Variants in DLEC1 observed in about 807,000 individuals in gnomAD.
DLEC1 encodes DLEC1 cilia and flagella associated protein, also known as deleted in lung and esophageal cancer protein 1.
In DLEC1, 146 loss-of-function variants were observed where a neutral mutation model predicts 198.1. That is an observed-to-expected ratio of 0.74 (90% confidence interval 0.64 to 0.85). The LOEUF is 0.85. Ranked by LOEUF, DLEC1 falls within the 40% of genes least tolerant of loss-of-function variation. The pLI is 0.00. For missense variants in DLEC1, 2,233 were observed against 2,220.0 expected, an observed-to-expected ratio of 1.01 and a Z score of -0.12; for synonymous variants, 897 against 866.8, an observed-to-expected ratio of 1.03 and a Z score of -0.61.
chr3:38,115,030 G>A lies in DLEC1; in HGVS notation c.3833G>A (p.Arg1278His), dbSNP rs752782524. ...GGAGACACAGTTACCCGAACCCTTCGCCTGAATAACTCCAGCCCCTGTGGT... is the reference window on the plus strand; with the variant it reads ...GGAGACACAGTTACCCGAACCCTTCACCTGAATAACTCCAGCCCCTGTGGT... ...SGGDTVTRTLRLNNSSPCDIR... is the reference protein window; with the variant it reads ...SGGDTVTRTLHLNNSSPCDIR... Residue 1278 changes from arginine to histidine, a missense_variant, in exon 27 of 37, where the codon CGC (arginine) becomes CAC (histidine). Physicochemically the swap from Arg to His is conservative, Grantham distance 29. Transcript: ENST00000308059. 9.9e-6 allele frequency: 16 copies of A among 1,613,836 alleles called. No homozygotes were observed. Among genetic ancestry groups the A allele is most frequent in the African/African-American group, 9.3e-5 (7 of 74,916 alleles).
intron 2 of DLEC1, among the ~76,000 whole-genome samples, chr3:38,055,095 A>G (rs1278786569): frequency 6.6e-6 from 1 of 152,224 alleles, no homozygotes; most frequent in Non-Finnish European, 1.5e-5. Context: ...GAGATTTTGA[A>G]TTAGTAGATG....
In DLEC1 at chr3:38,084,422, GGTA is replaced by G. The variant is rs879004281; in HGVS notation, c.1261+189_1261+191del. Among the ~76,000 whole-genome samples the G allele has an allele frequency of 1.1e-3, 89 of 84,570 alleles. 10 individuals carry two copies. The highest frequency in any genetic ancestry group is 6.3e-3 in the East Asian group (13 of 2,076). The allele number at this position is 84,570 out of a possible 152,430, so 55.5% of individuals were successfully genotyped here. A position where few individuals can be genotyped will look rare whatever the true frequency, so the allele number is the denominator to read the frequency against. On this transcript the variant is annotated intron_variant, in intron 7 of 36. Coordinates refer to ENST00000308059, the MANE Select transcript of DLEC1 (RefSeq NM_007335.4). Reference sequence around the variant, plus strand: ...TAGTAGTGGTGGTGGTAGTAGTAGTGGTAGTAGTAGTAGTGGTGGTGGTGGTGG... The same window carrying G: ...TAGTAGTGGTGGTGGTAGTAGTAGTGGTAGTAGTAGTGGTGGTGGTGGTGG...
Position 38,097,832 on chromosome 3 carries a change from A to G in DLEC1, c.2654A>G (p.Asn885Ser). 6.2e-7 allele frequency: 1 copy of G among 1,614,178 alleles called. No homozygotes were observed. The highest frequency in any genetic ancestry group is 8.5e-7 in the Non-Finnish European group (1 of 1,180,040). ...GCCACAAACTCCATCCAGATCCGGA[A>G]CGTCAGCCAGCTCCCAGCCACATGG... ...QKATNSIQIR[N>S]VSQLPATWRM... The change falls in exon 18 of 37, where the codon AAC becomes AGC. Residue 885 changes from asparagine to serine, a missense_variant. By Grantham distance (46) the Asn-to-Ser change is conservative. Coordinates refer to ENST00000308059, the MANE Select transcript of DLEC1 (RefSeq NM_007335.4).
At chr3:38,101,586 T>C (rs1314083516) in intron 19 of DLEC1, among the ~76,000 whole-genome samples, 2 of 152,202 alleles carry the variant, frequency 1.3e-5, no homozygotes, top group African/African-American at 2.4e-5. Flanking sequence ...AACATTTAAA[T>C]GCTCATTTAA....
chr3:38,120,835 G>A (rs1354175971), intron 34 of DLEC1, among the ~76,000 whole-genome samples: 1 of 152,208 alleles, frequency 6.6e-6, no homozygotes, highest in Non-Finnish European at 1.5e-5. Flanking sequence ...GCCAGAGTGT[G>A]GGAAATCAGG....
At chr3:38,063,818 C>T in intron 5 of DLEC1, 23 bp from the exon 6 acceptor site, 9 of 1,592,932 alleles carry the variant, frequency 5.6e-6, no homozygotes, top group East Asian at 2.2e-5. Flanking sequence ...CAGCCTTTCT[C>T]CCCCTCTTTT....
In DLEC1 at chr3:38,107,732, G is replaced by A. The variant is rs775881545; in HGVS notation, c.3013G>A (p.Gly1005Ser). Residue 1005 changes from glycine (G) to serine (S), a missense_variant, in exon 20 of 37, where the codon GGC becomes AGC. Transcript: ENST00000308059. ...GTLLPTQFHW[G>S]KLLGHQAEFC... ...GCTCCTGCCTACCCAGTTCCACTGG[G>A]GCAAGGTGAGTGAGCCCACAGCATC... 1 of 1,613,602 alleles carries A rather than the reference G, an allele frequency of 6.2e-7. No individual in the cohort carries two copies. The highest frequency in any genetic ancestry group is 1.1e-5 in the South Asian group (1 of 91,014).
chr3:38,109,993 G>T (rs1449712408), intron 22 of DLEC1, 106 bp from the exon 23 acceptor site: 1 of 1,292,674 alleles, frequency 7.7e-7, no homozygotes, highest in Non-Finnish European at 1.1e-6. Context: ...TGAGGATGAA[G>T]CCTGGTGTCT....
Position 38,122,190 on chromosome 3 carries a change from G to A in DLEC1, c.5140G>A (p.Ala1714Thr), listed in dbSNP as rs768322861. The A allele has an allele frequency of 6.2e-7, 1 of 1,613,822 alleles. No individual in the cohort carries two copies. Among genetic ancestry groups the A allele is most frequent in the African/African-American group, 1.3e-5 (1 of 75,008 alleles). The change falls in exon 36 of 37, where the codon GCC becomes ACC. Residue 1714 changes from alanine (A) to threonine (T), a missense_variant. Ala to Thr is a moderately conservative substitution (Grantham distance 58). Transcript: ENST00000308059. Reference protein sequence around the residue: ...TSIALQVFFTARSSELYESTM... With the variant: ...TSIALQVFFTTRSSELYESTM... ...CATCGCCTTGCAGGTTTTCTTCACT[G>A]CCAGGTGCAGCCCCTTCCAACCTTC...
At chr3:38,071,907 G>A (rs1040448991) in intron 6 of DLEC1, among the ~76,000 whole-genome samples, 4 of 152,214 alleles carry the variant, frequency 2.6e-5, no homozygotes, top group Non-Finnish European at 5.9e-5. Context: ...TTGAGTTAAG[G>A]CAACTAGTCT....
At chr3:38,084,098 A>G (rs1575168943) in intron 6 of DLEC1, 60 bp from the exon 7 acceptor site, 1 of 1,490,564 alleles carries the variant, frequency 6.7e-7, no homozygotes. Context: ...AATCCTGGAC[A>G]TCGTATCATT....
At chr3:38,044,370 C>T (rs1700790317) in intron 1 of DLEC1, among the ~76,000 whole-genome samples, 1 of 151,930 alleles carries the variant, frequency 6.6e-6, no homozygotes. Context: ...ACCAGCCTGG[C>T]CAACATGGTG....
Position 38,116,883 on chromosome 3 carries a change from G to A in DLEC1, c.4173G>A (p.Lys1391=). The change falls in exon 29 of 37, where the codon AAG becomes AAA. Residue 1391 remains lysine, a synonymous_variant. Coordinates refer to ENST00000308059, the MANE Select transcript of DLEC1 (RefSeq NM_007335.4). ...PSGHLYCISP[K]QVVVPAGGSS... ...GCCACCTGTACTGTATCAGCCCCAA[G>A]CAGGTGGTGAGTTGGGGTATGGGCT... The A allele has an allele frequency of 6.2e-7, 1 of 1,613,222 alleles. No homozygotes were observed. The highest frequency in any genetic ancestry group is 8.5e-7 in the Non-Finnish European group (1 of 1,179,590).
intron 6 of DLEC1, among the ~76,000 whole-genome samples, chr3:38,071,369 T>C (rs1419364422): frequency 6.6e-6 from 1 of 152,236 alleles, no homozygotes; most frequent in African/African-American, 2.4e-5. Flanking sequence ...TGAGGATAGA[T>C]TTCCATGATG....
rs189766840 is a variant in DLEC1, at chr3:38,114,640, C to T, written c.3785+180C>T. On this transcript the variant is annotated intron_variant, in intron 26 of 36. Coordinates refer to ENST00000308059, the MANE Select transcript of DLEC1 (RefSeq NM_007335.4). Reference sequence around the variant, plus strand: ...GGAAGGTGGCCTCAGGGGACGTGGCCACCACCTGGACATCTCTGAGGGATT... The same window carrying T: ...GGAAGGTGGCCTCAGGGGACGTGGCTACCACCTGGACATCTCTGAGGGATT... Among the ~76,000 whole-genome samples, 8 of 152,322 alleles carry T rather than the reference C, an allele frequency of 5.3e-5. No individual in the cohort carries two copies. In the East Asian group the frequency reaches 1.5e-3, roughly 29 times the overall value.
chr3:38,121,898 C>A, intron 35 of DLEC1, 117 bp downstream of exon 35: 1 of 1,514,888 alleles, frequency 6.6e-7, no homozygotes, highest in East Asian at 2.3e-5. Flanking sequence ...GGGCAGGCAC[C>A]ACTTGGAATT....
intron 14 of DLEC1, 57 bp from the exon 15 acceptor site, chr3:38,096,512 C>G: frequency 6.4e-7 from 1 of 1,569,632 alleles, no homozygotes; most frequent in South Asian, 1.2e-5. Flanking sequence ...GGCAGGGACA[C>G]TCTAGGATGT....
rs1699625868 is a variant in DLEC1 at position 38,107,471 on chromosome 3, T to G, written c.2865-113T>G. On this transcript the variant is annotated intron_variant, in intron 19 of 36. Coordinates refer to ENST00000308059, the MANE Select transcript of DLEC1 (RefSeq NM_007335.4). Reference sequence around the variant, plus strand: ...ACCCACTCATTAATTCTAGAGTTTCTAAAAATATAGATACCTTGGGATTTT... The same window carrying G: ...ACCCACTCATTAATTCTAGAGTTTCGAAAAATATAGATACCTTGGGATTTT... 1.7e-5 allele frequency: 20 copies of G among 1,205,306 alleles called. No homozygotes were observed. In the South Asian group the frequency reaches 3.8e-4, roughly 23 times the overall value. The allele number at this position is 1,205,306 out of a possible 1,614,324, so 74.7% of individuals were successfully genotyped here.
At chr3:38,108,560 G>A in intron 21 of DLEC1, 45 bp downstream of exon 21, 2 of 1,506,430 alleles carry the variant, frequency 1.3e-6, no homozygotes, top group Non-Finnish European at 1.8e-6. Context: ...AAGGCACCCT[G>A]CCAACCATAC....
Sources: allele counts gnomAD v4.1 joint callset (sites outside exome capture counted in the v4.1 genomes callset), GRCh38; gene constraint gnomAD v4.1.1; transcripts MANE v1.5; gene names NCBI Gene and HGNC (gene_info 2026-07-23, HGNC 2026-07-21).